Variants in MYO15B observed in about 807,000 individuals in gnomAD.
MYO15B encodes the protein myosin XVB pseudogene.
MYO15B carries 207 observed loss-of-function variants against 119.3 expected under a neutral mutation model. The ratio of observed to expected loss-of-function variants is 1.73; its 90% CI spans 1.55 to 1.95. MYO15B has a LOEUF of 1.95. Among genes scored for constraint, MYO15B ranks in the 30% most tolerant of loss-of-function variants. The probability of loss-of-function intolerance (pLI) is 0.00; values close to 1 mark genes in which losing one functional copy is unlikely to be tolerated. For synonymous variants in MYO15B, 966 were observed against 498.9 expected (o/e 1.94, Z -12.48); for missense variants, 2,264 against 1,203.1 (o/e 1.88, Z -13.04).
chr17:75,600,319 G>C (rs574602066), intron 14 of MYO15B, among the ~76,000 whole-genome samples: 1 of 151,714 alleles, frequency 6.6e-6, no homozygotes, highest in Non-Finnish European at 1.5e-5. Context: ...GAGCCACCGC[G>C]TCCGGCCTAA....
At chr17:75,623,530 A>G (rs147916204) in intron 53 of MYO15B, among the ~76,000 whole-genome samples, 161 of 152,350 alleles carry the variant, frequency 1.1e-3, no homozygotes, top group African/African-American at 3.6e-3. Context: ...AGGCTGAGGC[A>G]GGAGAATTGC....
Position 75,592,321 on chromosome 17 carries a change from C to T in MYO15B, c.2715+20C>T, listed in dbSNP as rs1396021743. The T allele has an allele frequency of 2.8e-6, 2 of 702,674 alleles. No homozygotes were observed. Among genetic ancestry groups the T allele is most frequent in the Admixed American group, 4.0e-5 (2 of 49,980 alleles). The allele number at this position is 702,674 out of a possible 1,614,324, so 43.5% of individuals were successfully genotyped here. ...TTTCAGGTAAAGGCAGCCCTTCTAT[C>T]CACCCCTGCCCAGTTCCCAGAGTAG... On this transcript the variant is annotated intron_variant, in intron 7 of 63. Coordinates refer to ENST00000645453, the Ensembl canonical transcript of MYO15B.
At chr17:75,622,471 T>C (rs998065431) in intron 53 of MYO15B, among the ~76,000 whole-genome samples, 1 of 152,020 alleles carries the variant, frequency 6.6e-6, no homozygotes, top group African/African-American at 2.4e-5. Flanking sequence ...CTGAGCCTAG[T>C]GAGCTGCAGG....
At chr17:75,602,031 C>T (rs1346691387) in intron 15 of MYO15B, among the ~76,000 whole-genome samples, 1 of 151,986 alleles carries the variant, frequency 6.6e-6, no homozygotes, top group African/African-American at 2.4e-5. Context: ...GCGTGCCTAC[C>T]CCAGGAGGAG....
At position 75,610,146 on chromosome 17, in the gene MYO15B, C is replaced by T. The variant is rs765013156; in HGVS notation, c.4293-20C>T. 12 of 693,832 alleles carry T rather than the reference C, an allele frequency of 1.7e-5. No individual in the cohort carries two copies. Among genetic ancestry groups the T allele is most frequent in the South Asian group, 1.0e-4 (7 of 66,820 alleles). 43.0% of individuals were successfully genotyped at this position (693,832 alleles called of 1,614,324 possible). A position where few individuals can be genotyped will look rare whatever the true frequency, so the allele number is the denominator to read the frequency against. ...AAGTTTGGACTCTTCATTTCGCCCC[C>T]GCTCTTTCCCGGCCTCCAGGAAGCG... On this transcript the variant is annotated intron_variant, in intron 21 of 63. Transcript: ENST00000645453.
chr17:75,620,730 G>A (rs1248100322), intron 49 of MYO15B, 94 bp downstream of exon 49: 1 of 693,254 alleles, frequency 1.4e-6, no homozygotes, highest in Non-Finnish European at 2.6e-6. Context: ...GCCATGCGGT[G>A]GGACCACCCT....
chr17:75,617,168 C>T (rs2058425730), exon 41 of MYO15B: 3 of 692,742 alleles, frequency 4.3e-6, no homozygotes, highest in Non-Finnish European at 7.9e-6. Context: ...GGCCCTCTAG[C>T]TCCATCAAGG....
At chr17:75,606,799 A>G (rs1450577396) in intron 21 of MYO15B, 1 of 390,912 alleles carries the variant, frequency 2.6e-6, no homozygotes, top group African/African-American at 2.1e-5. Context: ...AGCATGAATC[A>G]TGTTGTTAAG....
chr17:75,620,661 G>A (rs2058654555), intron 49 of MYO15B, 25 bp downstream of exon 49: 1 of 694,898 alleles, frequency 1.4e-6, no homozygotes, highest in South Asian at 1.5e-5. Flanking sequence ...AGAGGGACAA[G>A]CAGAGGCAAG....
chr17:75,610,740 C>G (rs1214448068), intron 22 of MYO15B, 160 bp from the exon 23 acceptor site: 1 of 621,778 alleles, frequency 1.6e-6, no homozygotes, highest in Non-Finnish European at 2.9e-6. Context: ...TGGTGAGGGC[C>G]CTGGAGGGCC....
intron 9 of MYO15B, among the ~76,000 whole-genome samples, chr17:75,593,222 G>C (rs945023765): frequency 8.6e-6 from 1 of 116,016 alleles, no homozygotes; most frequent in African/African-American, 2.9e-5. Context: ...AAAAAAAAAG[G>C]GTTGGCGGTG....
chr17:75,606,163 C>T, intron 21 of MYO15B, 142 bp downstream of exon 21: 1 of 572,490 alleles, frequency 1.7e-6, no homozygotes, highest in Non-Finnish European at 3.1e-6. Context: ...GCATGTGACT[C>T]TCCTTGACGG....
intron 5 of MYO15B, 113 bp downstream of exon 5, chr17:75,591,825 T>G (rs2147710529): frequency 1.5e-6 from 1 of 681,474 alleles, no homozygotes; most frequent in East Asian, 2.7e-5. Flanking sequence ...AGGAGAGGGG[T>G]GGTCTCCAGG....
chr17:75,615,884 G>A (rs1406567478), exon 36 of MYO15B: 7 of 673,732 alleles, frequency 1.0e-5, no homozygotes, highest in Admixed American at 6.5e-5. Flanking sequence ...GCTGCCTGAG[G>A]GTGAGGAGGT....
At chr17:75,602,430 C>T (rs1319639974) in intron 15 of MYO15B, 87 bp from the exon 16 acceptor site, 5 of 702,330 alleles carry the variant, frequency 7.1e-6, no homozygotes, top group African/African-American at 1.7e-5. Flanking sequence ...AGGGTAGATT[C>T]TTCTCCTCCA....
exon 55 of MYO15B, chr17:75,624,000 C>T: frequency 1.4e-6 from 1 of 703,000 alleles, no homozygotes; most frequent in Non-Finnish European, 2.6e-6. Context: ...CAGGCTTCTT[C>T]CCCCCGTCGA....
At chr17:75,605,678 A>G in intron 20 of MYO15B, 57 bp downstream of exon 20, 1 of 691,690 alleles carries the variant, frequency 1.4e-6, no homozygotes, top group Admixed American at 2.0e-5. Flanking sequence ...GGAGAGGTGC[A>G]TTCTGGGCCC....
chr17:75,626,532 A>C (rs768339874), exon 64 of MYO15B: 11 of 702,578 alleles, frequency 1.6e-5, no homozygotes, highest in South Asian at 1.5e-4. Context: ...CCCCCGGCCC[A>C]AGTCTCACCC....
At chr17:75,602,446 A>G (rs1568146666) in intron 15 of MYO15B, 71 bp from the exon 16 acceptor site, 1 of 702,726 alleles carries the variant, frequency 1.4e-6, no homozygotes, top group Non-Finnish European at 2.6e-6. Flanking sequence ...CTCCATATCC[A>G]GCCTCCCCTC....
Sources: gnomAD v4.1 joint callset for allele counts (sites outside exome capture counted in the v4.1 genomes callset) on GRCh38, gnomAD v4.1.1 for gene constraint, MANE v1.5 for transcripts, NCBI Gene and HGNC (gene_info 2026-07-23, HGNC 2026-07-21) for gene names.